Variants in DPY19L3 observed in about 807,000 individuals in gnomAD.
The protein encoded by DPY19L3 is dpy-19 like C-mannosyltransferase 3, also known as protein C-mannosyl-transferase DPY19L3.
A neutral mutation model predicts 92.3 loss-of-function variants in DPY19L3; 51 were observed. The observed-to-expected ratio is 0.55, with a 90% CI of 0.44 to 0.70. The LOEUF (loss-of-function observed/expected upper bound fraction) is 0.70. DPY19L3 is among the 30% of genes least tolerant of loss of function. The pLI, the probability that DPY19L3 is intolerant of heterozygous loss-of-function variation, is 0.00. For synonymous variants in DPY19L3, 309 were observed against 315.2 expected, an observed-to-expected ratio of 0.98 and a Z score of 0.21; for missense variants, 706 against 855.9, an observed-to-expected ratio of 0.82 and a Z score of 2.18.
chr19:32,409,362 G>A (rs1968097664), intron 2 of DPY19L3, among the ~76,000 whole-genome samples: 1 of 152,174 alleles, frequency 6.6e-6, no homozygotes, highest in African/African-American at 2.4e-5. Flanking sequence ...CATGTCATAA[G>A]CCAGTTAACG....
intron 13 of DPY19L3, among the ~76,000 whole-genome samples, 167 bp downstream of exon 13, chr19:32,463,655 A>G (rs941443878): frequency 6.6e-6 from 1 of 152,230 alleles, no homozygotes; most frequent in African/African-American, 2.4e-5. Flanking sequence ...ATCAGTTTTT[A>G]CAATTAATTA....
intron 3 of DPY19L3, 111 bp downstream of exon 3, chr19:32,411,483 T>A: frequency 8.6e-7 from 1 of 1,159,616 alleles, no homozygotes; most frequent in Non-Finnish European, 1.2e-6. Flanking sequence ...ATCCAATCTC[T>A]AGAAAGGTTG....
chr19:32,429,128 T>G (rs1342778442), intron 3 of DPY19L3, among the ~76,000 whole-genome samples: 1 of 152,192 alleles, frequency 6.6e-6, no homozygotes, highest in Non-Finnish European at 1.5e-5. Context: ...ATTACAGGCG[T>G]GAGCCACCAC....
At chr19:32,460,371 A>G (rs796161162) in intron 12 of DPY19L3, among the ~76,000 whole-genome samples, 55 of 152,288 alleles carry the variant, frequency 3.6e-4, no homozygotes, top group African/African-American at 1.3e-3. Context: ...TAATTGCACC[A>G]TTGCACTCTA....
chr19:32,409,133 A>G (rs1486429576), intron 2 of DPY19L3, among the ~76,000 whole-genome samples: 2 of 152,234 alleles, frequency 1.3e-5, no homozygotes, highest in Non-Finnish European at 2.9e-5. Flanking sequence ...TTAGCGAGTG[A>G]TTAACACGTT....
chr19:32,469,481 G>A (rs1309519948), intron 16 of DPY19L3, among the ~76,000 whole-genome samples: 3 of 148,084 alleles, frequency 2.0e-5, no homozygotes, highest in Admixed American at 1.4e-4. Context: ...GGGCGACAGA[G>A]CAAGACTCTC....
At chr19:32,421,600 C>A (rs1011628383) in intron 3 of DPY19L3, among the ~76,000 whole-genome samples, 10 of 150,108 alleles carry the variant, frequency 6.7e-5, no homozygotes, top group African/African-American at 2.5e-4. Context: ...TGCACTCCAG[C>A]CTGGGTGACA....
At position 32,468,805 on chromosome 19, in the gene DPY19L3, C is replaced by T. The variant is rs1170490521; in HGVS notation, c.1689C>T (p.Asn563=). 1 of 1,613,380 alleles carries T rather than the reference C, an allele frequency of 6.2e-7. No individual in the cohort carries two copies. The highest frequency in any genetic ancestry group is 8.5e-7 in the Non-Finnish European group (1 of 1,179,682). The change falls in exon 16 of 19, where the codon AAC becomes AAT. Residue 563 remains asparagine, a synonymous_variant. Coordinates refer to ENST00000392250, the MANE Select transcript of DPY19L3 (RefSeq NM_001172774.2). ...ATCCAGATACAGTGGAGCTGATGAA[C>T]TGGATTAAGTAAGAGGATTTTTTTT... is the stretch of plus-strand genomic sequence containing the variant. ...FYDPDTVELM[N]WINSNTPRKA...
At chr19:32,409,551 A>G (rs775121169) in intron 2 of DPY19L3, among the ~76,000 whole-genome samples, 8 of 152,176 alleles carry the variant, frequency 5.3e-5, no homozygotes, top group Non-Finnish European at 1.0e-4. Context: ...CTATAAAGGA[A>G]TACTTGAGGC....
chr19:32,477,459 C>A, intron 16 of DPY19L3, 63 bp from the exon 17 acceptor site: 2 of 1,590,232 alleles, frequency 1.3e-6, no homozygotes, highest in Non-Finnish European at 1.7e-6. Context: ...TTGATATTGT[C>A]TTCTTTGTTG....
intron 4 of DPY19L3, among the ~76,000 whole-genome samples, 157 bp from the exon 5 acceptor site, chr19:32,436,289 G>A (rs1969136031): frequency 6.6e-6 from 1 of 152,300 alleles, no homozygotes; most frequent in African/African-American, 2.4e-5. Flanking sequence ...TATGTGGTAA[G>A]CTCTTTGAGG....
Position 32,464,753 on chromosome 19 carries a change from C to A in DPY19L3, c.1583C>A (p.Pro528Gln). Residue 528 changes from proline (P) to glutamine (Q), a missense_variant, in exon 15 of 19, where the codon CCG becomes CAG. Pro to Gln is a moderately conservative substitution (Grantham distance 76, BLOSUM62 -1). Transcript: ENST00000392250. Reference protein sequence around the residue: ...KRICIMRYSVPILILLYLCYK... With the variant: ...KRICIMRYSVQILILLYLCYK... ...ATATGTATAATGCGATATTCAGTACCGATATTAATACTGCTGTATCTATGC... is the reference window on the plus strand; with the variant it reads ...ATATGTATAATGCGATATTCAGTACAGATATTAATACTGCTGTATCTATGC... 1 of 1,523,884 alleles carries A rather than the reference C, an allele frequency of 6.6e-7. No homozygotes were observed. Among genetic ancestry groups the A allele is most frequent in the Non-Finnish European group, 8.9e-7 (1 of 1,121,114 alleles). 94.4% of individuals were successfully genotyped at this position (1,523,884 alleles called of 1,614,324 possible).
chr19:32,474,917 A>T (rs942157006), intron 16 of DPY19L3, among the ~76,000 whole-genome samples: 2 of 152,168 alleles, frequency 1.3e-5, no homozygotes, highest in African/African-American at 4.8e-5. Context: ...ACAGGTTGTC[A>T]TACCATGTTT....
intron 3 of DPY19L3, among the ~76,000 whole-genome samples, chr19:32,426,101 C>CT (rs1387708943): frequency 2.6e-5 from 4 of 152,212 alleles, no homozygotes. Context: ...TCCATCAGCA[C>CT]TTTCAGCTTC....
chr19:32,444,650 A>T (rs1969428038), intron 8 of DPY19L3, among the ~76,000 whole-genome samples: 1 of 152,246 alleles, frequency 6.6e-6, no homozygotes, highest in South Asian at 2.1e-4. Flanking sequence ...AACAGGATAA[A>T]TCCAAATAGA....
At chr19:32,428,854 T>TTGG in intron 3 of DPY19L3, among the ~76,000 whole-genome samples, 1 of 151,548 alleles carries the variant, frequency 6.6e-6, no homozygotes, top group Admixed American at 6.6e-5. Context: ...GTTGTTGTTG[T>TTGG]TTGTTTGTTT....
At chr19:32,467,485 C>T (rs988173141) in intron 15 of DPY19L3, 2 of 987,532 alleles carry the variant, frequency 2.0e-6, no homozygotes, top group Non-Finnish European at 1.2e-6. Context: ...ACCAGAAGTC[C>T]TGACACCTGA....
intron 10 of DPY19L3, among the ~76,000 whole-genome samples, chr19:32,455,942 G>A (rs1299472963): frequency 6.6e-6 from 1 of 152,102 alleles, no homozygotes; most frequent in Non-Finnish European, 1.5e-5. Context: ...GCCTGTCCTA[G>A]AAGGTTGGTC....
chr19:32,465,058 TG>T (rs1970160344), intron 15 of DPY19L3, among the ~76,000 whole-genome samples: 1 of 152,262 alleles, frequency 6.6e-6, no homozygotes, highest in Non-Finnish European at 1.5e-5. Flanking sequence ...ATGCAAATTC[TG>T]AAAATAAGGT....
Sources: allele counts gnomAD v4.1 joint callset (sites outside exome capture counted in the v4.1 genomes callset), GRCh38; gene constraint gnomAD v4.1.1; transcripts MANE v1.5; gene names NCBI Gene and HGNC (gene_info 2026-07-23, HGNC 2026-07-21).